PRORP: variants seen among roughly 807,000 people sequenced by gnomAD.
The protein encoded by PRORP is protein only RNase P catalytic subunit.
A neutral mutation model predicts 59.4 loss-of-function variants in PRORP; 51 were observed. The observed-to-expected ratio is 0.86, with a 90% confidence interval of 0.69 to 1.08. PRORP has a LOEUF of 1.08. Ranked by LOEUF, PRORP falls within the 50% of genes least tolerant of loss-of-function variation. The probability of loss-of-function intolerance (pLI) is 0.00; values close to 1 mark genes in which losing one functional copy is unlikely to be tolerated. For synonymous variants in PRORP, 231 were observed against 245.6 expected (o/e 0.94, Z 0.55); for missense variants, 646 against 690.3 (o/e 0.94, Z 0.72).
At chr14:35,241,898 A>G (rs1282655121) in intron 5 of PRORP, among the ~76,000 whole-genome samples, 1 of 152,102 alleles carries the variant, frequency 6.6e-6, no homozygotes, top group African/African-American at 2.4e-5. Context: ...TTAGCTTTAA[A>G]AACTTTTCAT....
intron 5 of PRORP, among the ~76,000 whole-genome samples, chr14:35,209,588 G>T (rs558560370): frequency 2.6e-5 from 4 of 152,224 alleles, no homozygotes; most frequent in African/African-American, 9.6e-5. Context: ...GTCTCGCTCT[G>T]TTGCCCAGGC....
At chr14:35,173,795 C>T (rs1293028163) in intron 4 of PRORP, among the ~76,000 whole-genome samples, 1 of 151,986 alleles carries the variant, frequency 6.6e-6, no homozygotes, top group Non-Finnish European at 1.5e-5. Flanking sequence ...TGTTCTCTCT[C>T]GTGGTTCTAG....
At chr14:35,151,259 T>C (rs1367286212) in intron 4 of PRORP, among the ~76,000 whole-genome samples, 3 of 152,156 alleles carry the variant, frequency 2.0e-5, no homozygotes, top group Non-Finnish European at 4.4e-5. Context: ...ATTTTATTGC[T>C]TTTTCATTTG....
intron 4 of PRORP, among the ~76,000 whole-genome samples, chr14:35,172,066 T>TTTG (rs1277486124): frequency 4.4e-4 from 66 of 151,490 alleles, no homozygotes; most frequent in Non-Finnish European, 7.2e-4. Context: ...TTTTTTTTTT[T>TTTG]GAGATGGAGT....
chr14:35,203,988 A>G (rs949171609), intron 5 of PRORP, among the ~76,000 whole-genome samples: 2 of 152,260 alleles, frequency 1.3e-5, no homozygotes, highest in African/African-American at 4.8e-5. Flanking sequence ...TTGGTTCATT[A>G]AATTCTGAAC....
chr14:35,143,567 G>A (rs2047532880), intron 4 of PRORP, among the ~76,000 whole-genome samples: 1 of 146,186 alleles, frequency 6.8e-6, no homozygotes, highest in Non-Finnish European at 1.5e-5. Flanking sequence ...TTAGTGAGAA[G>A]AGTACATTGT....
intron 5 of PRORP, among the ~76,000 whole-genome samples, chr14:35,185,008 G>T (rs934613399): frequency 2.0e-5 from 3 of 152,108 alleles, no homozygotes; most frequent in Non-Finnish European, 4.4e-5. Flanking sequence ...TTTTATGGTA[G>T]AATGATTTCT....
chr14:35,152,613 C>A (rs1044111696), intron 4 of PRORP, among the ~76,000 whole-genome samples: 3 of 151,746 alleles, frequency 2.0e-5, no homozygotes, highest in Admixed American at 1.3e-4. Context: ...CTGACCCCCC[C>A]ACCTCCGCCT....
At chr14:35,270,619 T>C (rs752852666) in intron 7 of PRORP, 23 bp downstream of exon 7, 2 of 1,592,282 alleles carry the variant, frequency 1.3e-6, no homozygotes, top group Non-Finnish European at 1.7e-6. Flanking sequence ...GTTCTTTATG[T>C]AATATTAACA....
intron 7 of PRORP, among the ~76,000 whole-genome samples, chr14:35,271,950 T>C (rs1017881864): frequency 2.0e-5 from 3 of 151,574 alleles, no homozygotes; most frequent in Non-Finnish European, 2.9e-5. Flanking sequence ...CGCTTGAACC[T>C]GGGAGGCAAA....
intron 4 of PRORP, among the ~76,000 whole-genome samples, chr14:35,155,700 G>A (rs566339982): frequency 5.9e-5 from 9 of 151,326 alleles, no homozygotes; most frequent in African/African-American, 2.2e-4. Context: ...CTATAGTAAA[G>A]ATTTCCTCAA....
chr14:35,207,063 A>T (rs2049312538), intron 5 of PRORP, among the ~76,000 whole-genome samples: 1 of 152,082 alleles, frequency 6.6e-6, no homozygotes, highest in Non-Finnish European at 1.5e-5. Context: ...CTCTCTTTTT[A>T]AATTTTTCTT....
intron 4 of PRORP, among the ~76,000 whole-genome samples, chr14:35,136,269 T>C (rs1381396451): frequency 6.6e-6 from 1 of 152,180 alleles, no homozygotes; most frequent in Non-Finnish European, 1.5e-5. Flanking sequence ...GTGAACAAAC[T>C]CTCACTCCCT....
intron 4 of PRORP, among the ~76,000 whole-genome samples, chr14:35,174,986 C>T (rs187375271): frequency 6.8e-6 from 1 of 147,344 alleles, no homozygotes; most frequent in African/African-American, 2.5e-5. Context: ...AATAAGAACA[C>T]GCGGTGTTTG....
chr14:35,218,459 T>TAAAAAAAAA (rs748403834), intron 5 of PRORP, among the ~76,000 whole-genome samples: 1 of 44,774 alleles, frequency 2.2e-5, no homozygotes, highest in Non-Finnish European at 3.6e-5. Flanking sequence ...AGATCCTGTC[T>TAAAAAAAAA]AAAAAAAGAA....
chr14:35,187,788 AATATATTTAATGGCCATTTGT>A (rs945480412), intron 5 of PRORP, among the ~76,000 whole-genome samples: 86 of 151,908 alleles, frequency 5.7e-4, no homozygotes, highest in Non-Finnish European at 5.7e-4. Context: ...AATATCCTTT[AATATATTTAATGGCCATTTGT>A]ATATCTTCTT....
intron 4 of PRORP, among the ~76,000 whole-genome samples, chr14:35,129,276 T>C (rs1241065108): frequency 6.6e-6 from 1 of 152,134 alleles, no homozygotes; most frequent in Non-Finnish European, 1.5e-5. Flanking sequence ...TAGGCACTTA[T>C]AGCTGCTTTT....
rs535330653 is a variant in PRORP, at chr14:35,191,562, A to G, written c.1275+10785A>G. 5.3e-5 allele frequency among the ~76,000 whole-genome samples: 8 copies of G among 152,128 alleles called. 1 individual carries two copies. Among genetic ancestry groups the G allele is most frequent in the African/African-American group, 1.9e-4 (8 of 41,496 alleles). On this transcript the variant is annotated intron_variant, in intron 5 of 7. Coordinates refer to ENST00000534898, the MANE Select transcript of PRORP (RefSeq NM_014672.4). Reference sequence around the variant, plus strand: ...ACAGAAGATCAAAAACATTAGCTGGATGTGATGGCATGCACCTGTGGTTCC... The same window carrying G: ...ACAGAAGATCAAAAACATTAGCTGGGTGTGATGGCATGCACCTGTGGTTCC...
chr14:35,157,375 C>T (rs1595208107), intron 4 of PRORP, among the ~76,000 whole-genome samples: 2 of 152,256 alleles, frequency 1.3e-5, no homozygotes, highest in African/African-American at 4.8e-5. Flanking sequence ...CAAGGCTTCT[C>T]CACTTACAAT....
Sources: gnomAD v4.1 joint callset for allele counts (sites outside exome capture counted in the v4.1 genomes callset) on GRCh38, gnomAD v4.1.1 for gene constraint, MANE v1.5 for transcripts, NCBI Gene and HGNC (gene_info 2026-07-23, HGNC 2026-07-21) for gene names.